Variants in SGCG observed in about 807,000 individuals in gnomAD.
The protein encoded by SGCG is gamma-sarcoglycan.
A neutral mutation model predicts 29.3 loss-of-function variants in SGCG; 26 were observed. The ratio of observed to expected loss-of-function variants is 0.89; its 90% CI spans 0.65 to 1.23. The LOEUF is 1.23. Ranked by LOEUF, SGCG falls within the 50% of genes most tolerant of loss-of-function variation. The pLI, the probability that SGCG is intolerant of heterozygous loss-of-function variation, is 0.00. For missense variants in SGCG, 353 were observed against 356.0 expected, an observed-to-expected ratio of 0.99 and a Z score of 0.07; for synonymous variants, 145 against 129.7, an observed-to-expected ratio of 1.12 and a Z score of -0.80.
At chr13:23,178,999 G>A (rs968633970), upstream of SGCG, among the ~76,000 whole-genome samples, 34 of 152,286 alleles carry the variant, frequency 2.2e-4, no homozygotes, top group Non-Finnish European at 2.6e-4. Flanking sequence ...ACCATGGTTG[G>A]AGCACGTTTA....
chr13:23,202,634 G>A (rs1310902626), intron 1 of SGCG, among the ~76,000 whole-genome samples: 2 of 152,134 alleles, frequency 1.3e-5, no homozygotes, highest in Admixed American at 1.3e-4. Flanking sequence ...TGTCAGTCCT[G>A]GATATTTGAA....
At chr13:23,288,641 C>G (rs1881590840) in intron 5 of SGCG, among the ~76,000 whole-genome samples, 1 of 152,178 alleles carries the variant, frequency 6.6e-6, no homozygotes, top group Non-Finnish European at 1.5e-5. Flanking sequence ...TCCTCCCCCA[C>G]AAAATTAGAC....
Position 23,320,701 on chromosome 13 carries a change from G to T in SGCG, c.643G>T (p.Ala215Ser), listed in dbSNP as rs770020910. 6.8e-6 allele frequency: 11 copies of T among 1,609,474 alleles called. No homozygotes were observed. The highest frequency in any genetic ancestry group is 1.7e-4 in the Middle Eastern group (1 of 6,042). Reference protein sequence around the residue: ...APRGVHIQAHAGKIEALSQMD... With the variant: ...APRGVHIQAHSGKIEALSQMD... ...AAGGGGTGTGCATATTCAAGCTCACGCTGGGAAAATTGAGGCGCTTTCTCA... is the reference window on the plus strand; with the variant it reads ...AAGGGGTGTGCATATTCAAGCTCACTCTGGGAAAATTGAGGCGCTTTCTCA... Residue 215 changes from alanine (A) to serine (S), a missense_variant, in exon 7 of 8, where the codon GCT becomes TCT. Ala to Ser is a moderately conservative substitution (Grantham distance 99, BLOSUM62 1). Coordinates refer to ENST00000218867, the MANE Select transcript of SGCG (RefSeq NM_000231.3).
chr13:23,221,706 GT>G (rs59802159), intron 2 of SGCG, among the ~76,000 whole-genome samples: 17,356 of 152,174 alleles, frequency 0.11, 1,195 homozygotes, highest in Middle Eastern at 0.15. Flanking sequence ...ACTCAAAATG[GT>G]TTAAGGAGGT....
chr13:23,280,031 C>G (rs564727940), intron 5 of SGCG, among the ~76,000 whole-genome samples: 2 of 151,976 alleles, frequency 1.3e-5, no homozygotes, highest in Non-Finnish European at 2.9e-5. Flanking sequence ...CCCTGCCACC[C>G]TTTGTCTTTT....
chr13:23,232,307 T>C (rs1009136143), intron 2 of SGCG, among the ~76,000 whole-genome samples: 1 of 152,144 alleles, frequency 6.6e-6, no homozygotes, highest in African/African-American at 2.4e-5. Flanking sequence ...TTAATGGAGC[T>C]TTCAACTGAT....
intron 3 of SGCG, among the ~76,000 whole-genome samples, chr13:23,235,933 C>T (rs1010687092): frequency 1.3e-5 from 2 of 152,160 alleles, no homozygotes; most frequent in Non-Finnish European, 2.9e-5. Context: ...GCTCTGTTAC[C>T]AATTGCAAAA....
rs79337752 is a variant in SGCG, at chr13:23,250,375, AT to A, written c.298-248del. 0.11 allele frequency among the ~76,000 whole-genome samples: 16,256 copies of A among 151,950 alleles called. 1,148 individuals carry two copies. Among genetic ancestry groups the A allele is most frequent in the East Asian group, 0.39 (2,015 of 5,154 alleles). Reference sequence around the variant, plus strand: ...TTGCATATTTGTCTAAATAATTCATATTTTTTTCTATCCCTATCTTGCGTTT... The same window carrying A: ...TTGCATATTTGTCTAAATAATTCATATTTTTTCTATCCCTATCTTGCGTTT... On this transcript the variant is annotated intron_variant, in intron 3 of 7. Coordinates refer to ENST00000218867, the MANE Select transcript of SGCG (RefSeq NM_000231.3).
chr13:23,300,105 A>G (rs147667784), intron 6 of SGCG, among the ~76,000 whole-genome samples: 45 of 152,358 alleles, frequency 3.0e-4, no homozygotes, highest in Admixed American at 5.2e-4. Flanking sequence ...GTAACACCAT[A>G]AGGATGTGAT....
chr13:23,249,444 C>T lies in SGCG; in HGVS notation c.298-1186C>T, dbSNP rs1383877786. Reference sequence around the variant, plus strand: ...TAAAGCTCAAAAGAAGCAAACTGCCCATTTTGTCTTGGGAGACAGAGGAAT... The same window carrying T: ...TAAAGCTCAAAAGAAGCAAACTGCCTATTTTGTCTTGGGAGACAGAGGAAT... On this transcript the variant is annotated intron_variant, in intron 3 of 7. Transcript: ENST00000218867. Among the ~76,000 whole-genome samples the T allele has an allele frequency of 3.3e-5, 5 of 152,218 alleles. No individual in the cohort carries two copies. In the East Asian group the frequency reaches 9.7e-4, roughly 29 times the overall value.
intron 1 of SGCG, among the ~76,000 whole-genome samples, chr13:23,188,352 G>A (rs1485330438): frequency 9.0e-6 from 1 of 111,724 alleles, no homozygotes; most frequent in Non-Finnish European, 1.7e-5. Flanking sequence ...TGAGATAAGA[G>A]TCTTGCTCTG....
intron 5 of SGCG, among the ~76,000 whole-genome samples, chr13:23,282,754 A>T (rs986205174): frequency 1.3e-5 from 2 of 152,112 alleles, no homozygotes; most frequent in Non-Finnish European, 2.9e-5. Context: ...TGTCTTTGCT[A>T]TTGAACCTCA....
At chr13:23,308,182 G>A (rs1365374242) in intron 6 of SGCG, among the ~76,000 whole-genome samples, 1 of 152,202 alleles carries the variant, frequency 6.6e-6, no homozygotes, top group East Asian at 1.9e-4. Context: ...GAACTTGGGT[G>A]TTTTAGAAAC....
intron 4 of SGCG, among the ~76,000 whole-genome samples, chr13:23,274,352 G>C (rs1748824074): frequency 6.8e-6 from 1 of 146,384 alleles, no homozygotes; most frequent in Non-Finnish European, 1.5e-5. Flanking sequence ...TCACAGTTCT[G>C]CCTTTAAGTA....
At chr13:23,302,954 T>C (rs1882221034) in intron 6 of SGCG, among the ~76,000 whole-genome samples, 1 of 152,168 alleles carries the variant, frequency 6.6e-6, no homozygotes, top group Non-Finnish European at 1.5e-5. Flanking sequence ...ATATACACCA[T>C]TAAAAGTTAT....
upstream of SGCG, among the ~76,000 whole-genome samples, chr13:23,178,873 C>T (rs574584792): frequency 6.6e-6 from 1 of 152,226 alleles, no homozygotes; most frequent in East Asian, 1.9e-4. Context: ...GAAGGAAGAG[C>T]TTGATGAGAT....
the SGCG span, among the ~76,000 whole-genome samples, chr13:23,167,949 C>G: frequency 5.3e-5 from 8 of 152,124 alleles, no homozygotes; most frequent in Non-Finnish European, 8.8e-5. Context: ...GTTGGCCAGT[C>G]TGGTCTTGAA....
At chr13:23,247,167 C>A in intron 3 of SGCG, 1 of 155,496 alleles carries the variant, frequency 6.4e-6, no homozygotes, top group South Asian at 1.9e-4. Context: ...GAACACCTGT[C>A]ACCTCTACCA....
rs564008648 is a variant in SGCG at position 23,320,802 on chromosome 13, T to A, written c.702+42T>A. 5.0e-5 allele frequency: 80 copies of A among 1,588,150 alleles called. No individual in the cohort carries two copies. The South Asian group carries it at 8.4e-4, about 17-fold the overall frequency. ...ATCAGCCTCCTACTGTATGTCCTGATGATATTCCTGAGTACCATGTCTGTA... is the reference window on the plus strand; with the variant it reads ...ATCAGCCTCCTACTGTATGTCCTGAAGATATTCCTGAGTACCATGTCTGTA... On this transcript the variant is annotated intron_variant, in intron 7 of 7. Coordinates refer to ENST00000218867, the MANE Select transcript of SGCG (RefSeq NM_000231.3).
Sources: allele counts gnomAD v4.1 joint callset (sites outside exome capture counted in the v4.1 genomes callset), GRCh38; gene constraint gnomAD v4.1.1; transcripts MANE v1.5; gene names NCBI Gene and HGNC (gene_info 2026-07-23, HGNC 2026-07-21).